OR11H6: variants seen among roughly 807,000 people sequenced by gnomAD.
OR11H6 encodes olfactory receptor 11H6.
A neutral mutation model predicts 9.2 loss-of-function variants in OR11H6; 4 were observed. The observed-to-expected ratio is 0.44, with a 90% CI of 0.21 to 1.00. The LOEUF is 1.00. Ranked by LOEUF, OR11H6 falls within the 50% of genes least tolerant of loss-of-function variation. OR11H6 has a pLI of 0.26. For synonymous variants in OR11H6, 136 were observed against 148.9 expected (o/e 0.91, Z 0.63); for missense variants, 381 against 390.9 (o/e 0.97, Z 0.21).
At position 20,223,946 on chromosome 14, in the gene OR11H6, C is replaced by G; in HGVS notation, c.237C>G (p.Ile79Met). 3 of 1,614,114 alleles carry G rather than the reference C, an allele frequency of 1.9e-6. No homozygotes were observed. Among genetic ancestry groups the G allele is most frequent in the Non-Finnish European group, 2.5e-6 (3 of 1,179,962 alleles). ...GGCGGCTCCACACACCCATGTACAT[C>G]CTTCTGGGAAACTTTGCCTTTCTAG... ...LDRRLHTPMYILLGNFAFLEI... is the reference protein window; with the variant it reads ...LDRRLHTPMYMLLGNFAFLEI... Residue 79 changes from isoleucine (I) to methionine (M), a missense_variant, in exon 1 of 1, where the codon ATC becomes ATG. By Grantham distance (10) the Ile-to-Met change is conservative (BLOSUM62 1). Transcript: ENST00000315519.
chr14:20,224,238 C>A lies in OR11H6; in HGVS notation c.529C>A (p.Pro177Thr), dbSNP rs1480598159. Residue 177 changes from proline to threonine, a missense_variant, in exon 1 of 1, where the codon CCT becomes ACT. By Grantham distance (38) the Pro-to-Thr change is conservative. Coordinates refer to ENST00000315519, the MANE Select transcript of OR11H6 (RefSeq NM_001004480.1). ...AGGCGGATTTCTCTGCTATCCAGTC[C>A]CTATTGTTCTTATCTCCCAACTTCC... ...WVGGFLCYPV[P>T]IVLISQLPFC... 1.2e-6 allele frequency: 2 copies of A among 1,613,884 alleles called. No homozygotes were observed. Among genetic ancestry groups the A allele is most frequent in the Non-Finnish European group, 1.7e-6 (2 of 1,179,994 alleles).
Position 20,224,448 on chromosome 14 carries a change from C to A in OR11H6, c.739C>A (p.Pro247Thr). The change falls in exon 1 of 1, where the codon CCC (proline) becomes ACC (threonine). Residue 247 changes from proline to threonine, a missense_variant. Pro to Thr is a conservative substitution (Grantham distance 38). Coordinates refer to ENST00000315519, the MANE Select transcript of OR11H6 (RefSeq NM_001004480.1). The stretch of plus-strand genomic sequence containing the variant: ...GGTCATCAGAGCTGTGCTTTGTATT[C>A]CCTCTGGTGCTGGTCGAACTAAAGC... ...TLVIRAVLCI[P>T]SGAGRTKAFS... The A allele has an allele frequency of 6.2e-7, 1 of 1,614,004 alleles. No homozygotes were observed. Among genetic ancestry groups the A allele is most frequent in the Non-Finnish European group, 8.5e-7 (1 of 1,179,904 alleles).
In OR11H6 at chr14:20,223,962, G is replaced by C. The variant is rs1344562272; in HGVS notation, c.253G>C (p.Ala85Pro). 15 of 1,614,020 alleles carry C rather than the reference G, an allele frequency of 9.3e-6. No individual in the cohort carries two copies. Among genetic ancestry groups the C allele is most frequent in the South Asian group, 6.6e-5 (6 of 91,082 alleles). The change falls in exon 1 of 1, where the codon GCC becomes CCC. Residue 85 changes from alanine to proline, a missense_variant. Coordinates refer to ENST00000315519, the MANE Select transcript of OR11H6 (RefSeq NM_001004480.1). The stretch of plus-strand genomic sequence containing the variant: ...CATGTACATCCTTCTGGGAAACTTT[G>C]CCTTTCTAGAGATCTGGTACATTTC... ...TPMYILLGNFAFLEIWYISST... is the reference protein window; with the variant it reads ...TPMYILLGNFPFLEIWYISST...
Position 20,224,416 on chromosome 14 carries a change from ACACTCTGGT to A in OR11H6, c.710_718del (p.Thr237_Val239del). On this transcript the variant is annotated inframe_deletion, in exon 1 of 1. Transcript: ENST00000315519. The stretch of plus-strand genomic sequence containing the variant: ...CCCTTCCTCTCCATCTTGGGATCTT[ACACTCTGGT>A]CATCAGAGCTGTGCTTTGTATTCCC... 2 of 1,613,832 alleles carry A rather than the reference ACACTCTGGT, an allele frequency of 1.2e-6. No individual in the cohort carries two copies. The highest frequency in any genetic ancestry group is 8.5e-7 in the Non-Finnish European group (1 of 1,179,802).
chr14:20,224,351 G>A lies in OR11H6; in HGVS notation c.642G>A (p.Glu214=), dbSNP rs373767417. The A allele has an allele frequency of 3.7e-6, 6 of 1,614,126 alleles. No individual in the cohort carries two copies. The highest frequency in any genetic ancestry group is 5.1e-6 in the Non-Finnish European group (6 of 1,180,014). ...CCTGCATCTCTGCTCCTTCCACTGA[G>A]CTTATCTGTTACACCTTCAACTCGA... ...ALACISAPST[E]LICYTFNSMI... is the part of the protein sequence containing the mutation. Residue 214 remains glutamate, a synonymous_variant, in exon 1 of 1, where the codon GAG becomes GAA. Transcript: ENST00000315519.
At position 20,224,085 on chromosome 14, in the gene OR11H6, G is replaced by T; in HGVS notation, c.376G>T (p.Gly126Cys). The T allele has an allele frequency of 6.2e-7, 1 of 1,613,588 alleles. No homozygotes were observed. The highest frequency in any genetic ancestry group is 8.5e-7 in the Non-Finnish European group (1 of 1,179,712). The stretch of plus-strand genomic sequence containing the variant: ...GCAATTCTATTTCTTTTTTTCACTG[G>T]GTACAACAGAGTGTTTCTTTTTATC... ...FLQFYFFFSLGTTECFFLSVM... is the reference protein window; with the variant it reads ...FLQFYFFFSLCTTECFFLSVM... The change falls in exon 1 of 1, where the codon GGT (glycine) becomes TGT (cysteine). Residue 126 changes from glycine to cysteine, a missense_variant. Coordinates refer to ENST00000315519, the MANE Select transcript of OR11H6 (RefSeq NM_001004480.1).
At position 20,224,274 on chromosome 14, in the gene OR11H6, C is replaced by G; in HGVS notation, c.565C>G (p.Pro189Ala). The change falls in exon 1 of 1, where the codon CCC becomes GCC. Residue 189 changes from proline (P) to alanine (A), a missense_variant. Transcript: ENST00000315519. The part of the protein sequence containing the change: ...VLISQLPFCG[P>A]NIIDHLVCDP... The stretch of plus-strand genomic sequence containing the variant: ...TATCTCCCAACTTCCCTTCTGTGGG[C>G]CCAACATCATTGACCACTTGGTGTG... The G allele has an allele frequency of 6.2e-7, 1 of 1,614,024 alleles. No homozygotes were observed. Among genetic ancestry groups the G allele is most frequent in the Non-Finnish European group, 8.5e-7 (1 of 1,179,930 alleles).
rs368361391 is a variant in OR11H6 at position 20,224,297 on chromosome 14, G to A, written c.588G>A (p.Val196=). The A allele has an allele frequency of 6.2e-6, 10 of 1,613,892 alleles. No homozygotes were observed. Among genetic ancestry groups the A allele is most frequent in the Middle Eastern group, 1.6e-4 (1 of 6,084 alleles). ...GGCCCAACATCATTGACCACTTGGT[G>A]TGTGACCCAGGCCCATTGTTTGCAC... The part of the protein sequence containing the change: ...FCGPNIIDHL[V]CDPGPLFALA... The change falls in exon 1 of 1, where the codon GTG becomes GTA. Residue 196 remains valine, a synonymous_variant. Coordinates refer to ENST00000315519, the MANE Select transcript of OR11H6 (RefSeq NM_001004480.1).
chr14:20,224,133 C>G lies in OR11H6; in HGVS notation c.424C>G (p.Leu142Val). Residue 142 changes from leucine to valine, a missense_variant, in exon 1 of 1, where the codon CTG becomes GTG. Physicochemically the swap from Leu to Val is conservative, Grantham distance 32 (BLOSUM62 1). Coordinates refer to ENST00000315519, the MANE Select transcript of OR11H6 (RefSeq NM_001004480.1). ...FLSVMAYDRY[L>V]AICRPLHYPS... is the part of the protein sequence containing the mutation. ...ATCAGTTATGGCTTATGATCGGTAC[C>G]TGGCCATCTGTCGTCCATTACACTA... The G allele has an allele frequency of 6.2e-7, 1 of 1,613,796 alleles. No individual in the cohort carries two copies. Among genetic ancestry groups the G allele is most frequent in the Non-Finnish European group, 8.5e-7 (1 of 1,179,738 alleles).
At position 20,224,350 on chromosome 14, in the gene OR11H6, A is replaced by G; in HGVS notation, c.641A>G (p.Glu214Gly). 2.5e-6 allele frequency: 4 copies of G among 1,614,048 alleles called. No homozygotes were observed. The highest frequency in any genetic ancestry group is 2.5e-6 in the Non-Finnish European group (3 of 1,180,000). Residue 214 changes from glutamate (E) to glycine (G), a missense_variant, in exon 1 of 1, where the codon GAG (glutamate) becomes GGG (glycine). Glu to Gly is a moderately conservative substitution (Grantham distance 98, BLOSUM62 -2). Coordinates refer to ENST00000315519, the MANE Select transcript of OR11H6 (RefSeq NM_001004480.1). ...ALACISAPST[E>G]LICYTFNSMI... Reference sequence around the variant, plus strand: ...GCCTGCATCTCTGCTCCTTCCACTGAGCTTATCTGTTACACCTTCAACTCG... The same window carrying G: ...GCCTGCATCTCTGCTCCTTCCACTGGGCTTATCTGTTACACCTTCAACTCG...
rs749559223 is a variant in OR11H6, at chr14:20,224,536, T to A, written c.827T>A (p.Met276Lys). 1.9e-6 allele frequency: 3 copies of A among 1,613,916 alleles called. No homozygotes were observed. The highest frequency in any genetic ancestry group is 4.5e-5 in the East Asian group (2 of 44,882). The change falls in exon 1 of 1, where the codon ATG becomes AAG. Residue 276 changes from methionine to lysine, a missense_variant. Met to Lys is a moderately conservative substitution (Grantham distance 95, BLOSUM62 -1). Coordinates refer to ENST00000315519, the MANE Select transcript of OR11H6 (RefSeq NM_001004480.1). ...CTATTCTATGGAACCCTTATGGTGA[T>A]GTATGTGAGCCCAACATCAGGGAAC... ...VSLFYGTLMVMYVSPTSGNPA... is the reference protein window; with the variant it reads ...VSLFYGTLMVKYVSPTSGNPA...
In OR11H6 at chr14:20,223,789, T is replaced by C. The variant is rs1314847625; in HGVS notation, c.80T>C (p.Val27Ala). 1 of 1,614,022 alleles carries C rather than the reference T, an allele frequency of 6.2e-7. No homozygotes were observed. The highest frequency in any genetic ancestry group is 1.1e-5 in the South Asian group (1 of 91,086). The stretch of plus-strand genomic sequence containing the variant: ...CCCCAGAACAGAACAATGCATTTTG[T>C]GACTGAGTTTGTCCTCCTGGGTTTC... Reference protein sequence around the residue: ...LGPQNRTMHFVTEFVLLGFHG... With the variant: ...LGPQNRTMHFATEFVLLGFHG... The change falls in exon 1 of 1, where the codon GTG (valine) becomes GCG (alanine). Residue 27 changes from valine to alanine, a missense_variant. Transcript: ENST00000315519.
At position 20,223,996 on chromosome 14, in the gene OR11H6, T is replaced by A. The variant is rs766252191; in HGVS notation, c.287T>A (p.Val96Asp). ...FLEIWYISSTVPNMLVNILSE... is the reference protein window; with the variant it reads ...FLEIWYISSTDPNMLVNILSE... ...GAGATCTGGTACATTTCCTCCACTG[T>A]CCCAAACATGCTAGTCAATATCCTC... Residue 96 changes from valine (V) to aspartate (D), a missense_variant, in exon 1 of 1, where the codon GTC becomes GAC. By Grantham distance (152) the Val-to-Asp change is radical (BLOSUM62 -3). Transcript: ENST00000315519. 22 of 1,614,060 alleles carry A rather than the reference T, an allele frequency of 1.4e-5. No individual in the cohort carries two copies. Among genetic ancestry groups the A allele is most frequent in the South Asian group, 4.4e-5 (4 of 91,090 alleles).
Position 20,223,828 on chromosome 14 carries a change from A to G in OR11H6, c.119A>G (p.Glu40Gly). The G allele has an allele frequency of 1.2e-6, 2 of 1,614,056 alleles. No homozygotes were observed. Among genetic ancestry groups the G allele is most frequent in the Non-Finnish European group, 1.7e-6 (2 of 1,179,948 alleles). ...FVLLGFHGQR[E>G]MQSCFFSFIL... ...CTCCTGGGTTTCCATGGTCAAAGGG[A>G]GATGCAGAGCTGCTTCTTCTCATTC... Residue 40 changes from glutamate (E) to glycine (G), a missense_variant, in exon 1 of 1, where the codon GAG becomes GGG. Transcript: ENST00000315519.
rs2138723159 is a variant in OR11H6, at chr14:20,224,380, T to C, written c.671T>C (p.Ile224Thr). The C allele has an allele frequency of 6.2e-7, 1 of 1,614,010 alleles. No individual in the cohort carries two copies. The highest frequency in any genetic ancestry group is 2.2e-5 in the East Asian group (1 of 44,884). ...ATCTGTTACACCTTCAACTCGATGA[T>C]TATCTTTGGGCCCTTCCTCTCCATC... ...ELICYTFNSM[I>T]IFGPFLSILG... The change falls in exon 1 of 1, where the codon ATT (isoleucine) becomes ACT (threonine). Residue 224 changes from isoleucine to threonine, a missense_variant. Ile to Thr is a moderately conservative substitution (Grantham distance 89). Coordinates refer to ENST00000315519, the MANE Select transcript of OR11H6 (RefSeq NM_001004480.1).
rs1480127209 is a variant in OR11H6, at chr14:20,224,580, A to G, written c.871A>G (p.Ile291Val). The G allele has an allele frequency of 1.2e-6, 2 of 1,614,082 alleles. No individual in the cohort carries two copies. The highest frequency in any genetic ancestry group is 2.2e-5 in the East Asian group (1 of 44,880). ...AGGGAACCCAGCAGGAATGCAGAAG[A>G]TCATCACTCTGGTATACACAGCAAT... ...TSGNPAGMQK[I>V]ITLVYTAMTP... Residue 291 changes from isoleucine (I) to valine (V), a missense_variant, in exon 1 of 1, where the codon ATC becomes GTC. Physicochemically the swap from Ile to Val is conservative, Grantham distance 29. Coordinates refer to ENST00000315519, the MANE Select transcript of OR11H6 (RefSeq NM_001004480.1).
chr14:20,224,581 T>C lies in OR11H6; in HGVS notation c.872T>C (p.Ile291Thr), dbSNP rs1880374737. ...GGGAACCCAGCAGGAATGCAGAAGATCATCACTCTGGTATACACAGCAATG... is the reference window on the plus strand; with the variant it reads ...GGGAACCCAGCAGGAATGCAGAAGACCATCACTCTGGTATACACAGCAATG... ...TSGNPAGMQK[I>T]ITLVYTAMTP... The change falls in exon 1 of 1, where the codon ATC becomes ACC. Residue 291 changes from isoleucine to threonine, a missense_variant. Coordinates refer to ENST00000315519, the MANE Select transcript of OR11H6 (RefSeq NM_001004480.1). The C allele has an allele frequency of 6.2e-7, 1 of 1,614,004 alleles. No individual in the cohort carries two copies. Among genetic ancestry groups the C allele is most frequent in the Non-Finnish European group, 8.5e-7 (1 of 1,179,972 alleles).
In OR11H6 at chr14:20,224,546, C is replaced by T. The variant is rs372466993; in HGVS notation, c.837C>T (p.Ser279=). The T allele has an allele frequency of 7.4e-6, 12 of 1,612,940 alleles. No individual in the cohort carries two copies. Among genetic ancestry groups the T allele is most frequent in the Non-Finnish European group, 1.0e-5 (12 of 1,179,066 alleles). Reference sequence around the variant, plus strand: ...GAACCCTTATGGTGATGTATGTGAGCCCAACATCAGGGAACCCAGCAGGAA... The same window carrying T: ...GAACCCTTATGGTGATGTATGTGAGTCCAACATCAGGGAACCCAGCAGGAA... The part of the protein sequence containing the change: ...FYGTLMVMYV[S]PTSGNPAGMQ... Residue 279 remains serine, a synonymous_variant, in exon 1 of 1, where the codon AGC becomes AGT. Coordinates refer to ENST00000315519, the MANE Select transcript of OR11H6 (RefSeq NM_001004480.1).
In OR11H6 at chr14:20,224,017, T is replaced by G. The variant is rs1473423246; in HGVS notation, c.308T>G (p.Ile103Ser). 1 of 1,613,982 alleles carries G rather than the reference T, an allele frequency of 6.2e-7. No homozygotes were observed. The highest frequency in any genetic ancestry group is 8.5e-7 in the Non-Finnish European group (1 of 1,179,992). Reference sequence around the variant, plus strand: ...ACTGTCCCAAACATGCTAGTCAATATCCTCTCTGAGATTAAAACCATCTCC... The same window carrying G: ...ACTGTCCCAAACATGCTAGTCAATAGCCTCTCTGAGATTAAAACCATCTCC... ...SSTVPNMLVN[I>S]LSEIKTISFS... The change falls in exon 1 of 1, where the codon ATC (isoleucine) becomes AGC (serine). Residue 103 changes from isoleucine to serine, a missense_variant. Coordinates refer to ENST00000315519, the MANE Select transcript of OR11H6 (RefSeq NM_001004480.1).
Sources: allele counts gnomAD v4.1 joint callset, GRCh38; gene constraint gnomAD v4.1.1; transcripts MANE v1.5; gene names NCBI Gene and HGNC (gene_info 2026-07-23, HGNC 2026-07-21).